PROKR1: variants seen among roughly 807,000 people sequenced by gnomAD.
The protein encoded by PROKR1 is G protein-coupled receptor 73.
Under a neutral mutation model 22.8 loss-of-function variants are expected in PROKR1, and 21 were observed. That is an observed-to-expected ratio of 0.92 (90% CI 0.65 to 1.32). The LOEUF (loss-of-function observed/expected upper bound fraction) is 1.32, where lower values mean the gene tolerates loss of function less well. Among genes scored for constraint, PROKR1 ranks in the 40% most tolerant of loss-of-function variants. The pLI, the probability that PROKR1 is intolerant of heterozygous loss-of-function variation, is 0.00. For synonymous variants in PROKR1, 193 were observed against 207.5 expected (o/e 0.93, Z 0.60); for missense variants, 548 against 514.2 (o/e 1.07, Z -0.64).
At chr2:68,652,786 C>T (rs570999319) in intron 2 of PROKR1, among the ~76,000 whole-genome samples, 2 of 152,168 alleles carry the variant, frequency 1.3e-5, no homozygotes, top group East Asian at 3.9e-4. Context: ...GGGAAGTGAA[C>T]CTACAGGGAT....
rs1239074668 is a variant in PROKR1, at chr2:68,645,754, G to A, written c.-68G>A. 4 of 1,611,208 alleles carry A rather than the reference G, an allele frequency of 2.5e-6. No individual in the cohort carries two copies. Among genetic ancestry groups the A allele is most frequent in the Non-Finnish European group, 3.4e-6 (4 of 1,178,050 alleles). ...GAGCTGGCTGATAGCAGAGAGGGGTGACATCAGCCTTGCAGACATTGCCCT... is the reference window on the plus strand; with the variant it reads ...GAGCTGGCTGATAGCAGAGAGGGGTAACATCAGCCTTGCAGACATTGCCCT... On this transcript the variant is annotated 5_prime_UTR_variant, in exon 2 of 3. Coordinates refer to ENST00000303786, the MANE Select transcript of PROKR1 (RefSeq NM_138964.4).
chr2:68,649,828 C>T (rs1357417444), intron 2 of PROKR1, among the ~76,000 whole-genome samples: 1 of 151,670 alleles, frequency 6.6e-6, no homozygotes, highest in African/African-American at 2.4e-5. Context: ...GTGAAAAGGC[C>T]CAGAGGCAGG....
intron 1 of PROKR1, 121 bp downstream of exon 1, chr2:68,643,969 G>C (rs575460590): frequency 1.3e-5 from 2 of 152,426 alleles, no homozygotes; most frequent in South Asian, 2.1e-4. Flanking sequence ...ACTCCTGTGA[G>C]TTTCTTCAGG....
intron 2 of PROKR1, among the ~76,000 whole-genome samples, chr2:68,650,847 A>G (rs1399697706): frequency 2.0e-5 from 3 of 152,216 alleles, no homozygotes; most frequent in Non-Finnish European, 2.9e-5. Flanking sequence ...CTGTCCTTCA[A>G]CAAATGAAGA....
chr2:68,647,574 C>G (rs891285169), intron 2 of PROKR1, among the ~76,000 whole-genome samples: 2 of 152,114 alleles, frequency 1.3e-5, no homozygotes, highest in Admixed American at 6.5e-5. Flanking sequence ...AGCTTGTTTT[C>G]TGAGACCGTA....
At chr2:68,644,628 T>A (rs1273803648) in intron 1 of PROKR1, among the ~76,000 whole-genome samples, 1 of 152,162 alleles carries the variant, frequency 6.6e-6, no homozygotes, top group African/African-American at 2.4e-5. Flanking sequence ...ATCTTCCTCA[T>A]CTTCCTTTCC....
At position 68,656,758 on chromosome 2, in the gene PROKR1, G is replaced by A. The variant is rs925449108; in HGVS notation, c.*1182G>A. 2.0e-5 allele frequency: 3 copies of A among 152,176 alleles called. No homozygotes were observed. Among genetic ancestry groups the A allele is most frequent in the Admixed American group, 1.3e-4 (2 of 15,272 alleles). The allele number at this position is 152,176 out of a possible 1,614,324, so 9.4% of individuals were successfully genotyped here. On this transcript the variant is annotated 3_prime_UTR_variant, in exon 3 of 3. Coordinates refer to ENST00000303786, the MANE Select transcript of PROKR1 (RefSeq NM_138964.4). ...GCACCTGAATCCCATCCTAGTCTTT[G>A]TTCCTTTGGATTAAGACTTGCTTTG...
At position 68,654,964 on chromosome 2, in the gene PROKR1, C is replaced by T. The variant is rs1673411227; in HGVS notation, c.570C>T (p.Ser190=). 1 of 1,613,566 alleles carries T rather than the reference C, an allele frequency of 6.2e-7. No homozygotes were observed. Among genetic ancestry groups the T allele is most frequent in the South Asian group, 1.1e-5 (1 of 91,080 alleles). Residue 190 remains serine, a synonymous_variant, in exon 3 of 3, where the codon TCC becomes TCT. Coordinates refer to ENST00000303786, the MANE Select transcript of PROKR1 (RefSeq NM_138964.4). The stretch of plus-strand genomic sequence containing the variant: ...TGATTGCCTTGGTGTGGACGGTGTC[C>T]ATCCTGATCGCCATCCCTTCCGCCT... ...TGLIALVWTV[S]ILIAIPSAYF...
chr2:68,656,613 A>C lies in PROKR1; in HGVS notation c.*1037A>C, dbSNP rs1673478594. The stretch of plus-strand genomic sequence containing the variant: ...ACAATACCTCCTGGATGTGGCCTTC[A>C]TTCATTTTTCTGTTTTCACCAGCTC... On this transcript the variant is annotated 3_prime_UTR_variant, in exon 3 of 3. Transcript: ENST00000303786. 2 of 152,180 alleles carry C rather than the reference A, an allele frequency of 1.3e-5. No homozygotes were observed. Among genetic ancestry groups the C allele is most frequent in the Non-Finnish European group, 2.9e-5 (2 of 68,020 alleles). The allele number at this position is 152,180 out of a possible 1,614,324, so 9.4% of individuals were successfully genotyped here.
intron 1 of PROKR1, among the ~76,000 whole-genome samples, chr2:68,644,510 C>T (rs1436497018): frequency 6.6e-6 from 1 of 152,050 alleles, no homozygotes; most frequent in African/African-American, 2.4e-5. Flanking sequence ...CTCACTGGGG[C>T]GCAGAGGGAC....
chr2:68,657,066 G>A lies in PROKR1; in HGVS notation c.*1490G>A, dbSNP rs1673485693. On this transcript the variant is annotated 3_prime_UTR_variant, in exon 3 of 3. Coordinates refer to ENST00000303786, the MANE Select transcript of PROKR1 (RefSeq NM_138964.4). ...GGTATTTTGGAGTTGGAAGATCTGAGAGCCAGACTTGACTCTGTCAACTGT... is the reference window on the plus strand; with the variant it reads ...GGTATTTTGGAGTTGGAAGATCTGAAAGCCAGACTTGACTCTGTCAACTGT... 6.6e-6 allele frequency: 1 copy of A among 152,350 alleles called. No individual in the cohort carries two copies. Among genetic ancestry groups the A allele is most frequent in the South Asian group, 2.1e-4 (1 of 4,820 alleles). The allele number at this position is 152,350 out of a possible 1,614,324, so 9.4% of individuals were successfully genotyped here.
chr2:68,645,615 C>A, intron 1 of PROKR1, 47 bp from the exon 2 acceptor site: 1 of 706,010 alleles, frequency 1.4e-6, no homozygotes, highest in Non-Finnish European at 2.3e-6. Flanking sequence ...TTGAATTTGG[C>A]CAGCTTTACT....
intron 2 of PROKR1, among the ~76,000 whole-genome samples, chr2:68,648,024 G>A (rs1372253425): frequency 1.3e-5 from 2 of 152,106 alleles, no homozygotes; most frequent in African/African-American, 2.4e-5. Flanking sequence ...AGTAGAAGCC[G>A]CCACCTTCTC....
chr2:68,645,218 G>A (rs544604654), intron 1 of PROKR1, among the ~76,000 whole-genome samples: 20 of 152,322 alleles, frequency 1.3e-4, no homozygotes, highest in Non-Finnish European at 2.1e-4. Flanking sequence ...TCTAATGTGG[G>A]AACAGGAAGT....
intron 2 of PROKR1, among the ~76,000 whole-genome samples, chr2:68,653,806 C>G (rs1673386424): frequency 6.6e-6 from 1 of 152,012 alleles, no homozygotes; most frequent in Non-Finnish European, 1.5e-5. Context: ...TCTTTGTGTT[C>G]CTGGACCACT....
At chr2:68,646,533 T>C (rs1673183181) in intron 2 of PROKR1, among the ~76,000 whole-genome samples, 1 of 152,238 alleles carries the variant, frequency 6.6e-6, no homozygotes, top group African/African-American at 2.4e-5. Context: ...AGTTGGGTGA[T>C]GGGAAGCTTT....
rs201334198 is a variant in PROKR1, at chr2:68,646,218, G to C, written c.397G>C (p.Gly133Arg). Residue 133 changes from glycine (G) to arginine (R), a missense_variant, in exon 2 of 3, where the codon GGC becomes CGC. Coordinates refer to ENST00000303786, the MANE Select transcript of PROKR1 (RefSeq NM_138964.4). ...GGTGCGCCAGCTCTCCTGGGAGCAC[G>C]GCCACGTCCTGTGCACCTCTGTCAA... Reference protein sequence around the residue: ...YVVRQLSWEHGHVLCTSVNYL... With the variant: ...YVVRQLSWEHRHVLCTSVNYL... 3.1e-6 allele frequency: 5 copies of C among 1,612,628 alleles called. No individual in the cohort carries two copies. Among genetic ancestry groups the C allele is most frequent in the Non-Finnish European group, 4.2e-6 (5 of 1,179,052 alleles).
In PROKR1 at chr2:68,645,993, T is replaced by C. The variant is rs1673166345; in HGVS notation, c.172T>C (p.Phe58Leu). 11 of 1,614,254 alleles carry C rather than the reference T, an allele frequency of 6.8e-6. No homozygotes were observed. The highest frequency in any genetic ancestry group is 9.3e-6 in the Non-Finnish European group (11 of 1,180,044). ...EDEDVTNSRTFFAAKIVIGMA... is the reference protein window; with the variant it reads ...EDEDVTNSRTLFAAKIVIGMA... ...TGAGGATGTGACCAATTCCAGGACG[T>C]TCTTTGCTGCCAAGATTGTCATTGG... The change falls in exon 2 of 3, where the codon TTC becomes CTC. Residue 58 changes from phenylalanine (F) to leucine (L), a missense_variant. Transcript: ENST00000303786.
chr2:68,651,387 A>G (rs922173575), intron 2 of PROKR1, among the ~76,000 whole-genome samples: 4 of 152,098 alleles, frequency 2.6e-5, no homozygotes, highest in Non-Finnish European at 4.4e-5. Flanking sequence ...AAAACAAAAC[A>G]AAAAAGGATC....
Sources: allele counts gnomAD v4.1 joint callset (sites outside exome capture counted in the v4.1 genomes callset), GRCh38; gene constraint gnomAD v4.1.1; transcripts MANE v1.5; gene names NCBI Gene and HGNC (gene_info 2026-07-23, HGNC 2026-07-21).